COL22A1: variants seen among roughly 807,000 people sequenced by gnomAD.
COL22A1 encodes the protein collagen alpha-1(XXII) chain.
COL22A1 carries 221 observed loss-of-function variants against 248.9 expected under a neutral mutation model. The ratio of observed to expected loss-of-function variants is 0.89; its 90% CI spans 0.80 to 0.99. COL22A1 has a LOEUF of 0.99. Ranked by LOEUF, COL22A1 falls within the 50% of genes least tolerant of loss-of-function variation. The probability of loss-of-function intolerance (pLI) is 0.00; values close to 1 mark genes in which losing one functional copy is unlikely to be tolerated. For synonymous variants in COL22A1, 891 were observed against 793.4 expected (o/e 1.12, Z -2.07); for missense variants, 2,240 against 2,179.0 (o/e 1.03, Z -0.56).
intron 56 of COL22A1, among the ~76,000 whole-genome samples, chr8:138,611,737 G>A (rs901722867): frequency 6.6e-6 from 1 of 152,210 alleles, no homozygotes; most frequent in African/African-American, 2.4e-5. Flanking sequence ...GCTCATCTGA[G>A]TCATTGTGGC....
intron 3 of COL22A1, among the ~76,000 whole-genome samples, chr8:138,856,049 G>T (rs1007845305): frequency 6.6e-6 from 1 of 152,168 alleles, no homozygotes; most frequent in African/African-American, 2.4e-5. Context: ...TGGGGTGGGG[G>T]ACTTGCAGAA....
chr8:138,679,081 T>C (rs533268210), intron 40 of COL22A1, among the ~76,000 whole-genome samples: 2 of 152,092 alleles, frequency 1.3e-5, no homozygotes, highest in Non-Finnish European at 2.9e-5. Context: ...CACACCTGCC[T>C]AATTTTTGAC....
At chr8:138,771,223 C>T (rs189867041) in intron 16 of COL22A1, among the ~76,000 whole-genome samples, 290 of 152,296 alleles carry the variant, frequency 1.9e-3, no homozygotes, top group Non-Finnish European at 2.4e-3. Flanking sequence ...GGATGATCTT[C>T]GCTTCCTGAG....
chr8:138,818,605 C>T (rs1406496240), intron 7 of COL22A1, among the ~76,000 whole-genome samples: 2 of 152,082 alleles, frequency 1.3e-5, no homozygotes, highest in Non-Finnish European at 2.9e-5. Context: ...TCAGAAGAGT[C>T]CTCCAATTCT....
Position 138,737,504 on chromosome 8 carries a change from A to AG in COL22A1, c.2139+19dup. 6.4e-7 allele frequency: 1 copy of AG among 1,571,808 alleles called. No homozygotes were observed. The highest frequency in any genetic ancestry group is 8.8e-7 in the Non-Finnish European group (1 of 1,141,714). ...GAGAAAAGCAGCGTTGCTATGGAAG[A>AG]GAATGTAAAAGGTAGTTACCTGCAG... On this transcript the variant is annotated intron_variant, in intron 23 of 64. Transcript: ENST00000303045.
At chr8:138,842,851 C>A (rs1247914078) in intron 4 of COL22A1, among the ~76,000 whole-genome samples, 1 of 152,162 alleles carries the variant, frequency 6.6e-6, no homozygotes, top group African/African-American at 2.4e-5. Context: ...AGGTGCCCCA[C>A]CTCGAGAATA....
intron 4 of COL22A1, among the ~76,000 whole-genome samples, chr8:138,837,907 G>A (rs916824467): frequency 6.6e-6 from 1 of 152,144 alleles, no homozygotes; most frequent in Non-Finnish European, 1.5e-5. Flanking sequence ...GACGTGTCCT[G>A]GTGGCCTCCT....
chr8:138,790,864 C>A (rs1389372621), intron 12 of COL22A1, among the ~76,000 whole-genome samples: 1 of 141,758 alleles, frequency 7.1e-6, no homozygotes, highest in African/African-American at 2.8e-5. Flanking sequence ...TACGTCCCTA[C>A]CCTCCTATTT....
At chr8:138,600,124 C>T (rs911886052) in intron 60 of COL22A1, among the ~76,000 whole-genome samples, 1 of 152,222 alleles carries the variant, frequency 6.6e-6, no homozygotes, top group African/African-American at 2.4e-5. Context: ...AAGTGCGGGA[C>T]CAATGATTTG....
At chr8:138,769,619 C>T (rs1834199880) in intron 16 of COL22A1, among the ~76,000 whole-genome samples, 1 of 152,186 alleles carries the variant, frequency 6.6e-6, no homozygotes, top group East Asian at 1.9e-4. Context: ...CCTGGAGCTA[C>T]CCACGGACTT....
intron 40 of COL22A1, 121 bp from the exon 41 acceptor site, chr8:138,676,756 CA>C (rs1245651441): frequency 1.4e-6 from 1 of 719,368 alleles, no homozygotes; most frequent in Admixed American, 2.5e-5. Context: ...ACCTGGCCTC[CA>C]TGGGCCATGC....
intron 47 of COL22A1, among the ~76,000 whole-genome samples, chr8:138,642,438 A>G (rs192931896): frequency 2.1e-3 from 320 of 152,320 alleles, no homozygotes; most frequent in African/African-American, 7.2e-3. Context: ...GTTAGATCAC[A>G]TGCCCCAAGG....
At chr8:138,771,263 TAGAGCTATGGCGAC>T (rs1834344974) in intron 16 of COL22A1, among the ~76,000 whole-genome samples, 2 of 152,180 alleles carry the variant, frequency 1.3e-5, no homozygotes, top group African/African-American at 4.8e-5. Context: ...CCACAGCAGG[TAGAGCTATGGCGAC>T]AGTCTAGGGG....
chr8:138,862,026 T>TAAAAAAAAAAAAAAA (rs386414193), intron 3 of COL22A1, among the ~76,000 whole-genome samples: 7 of 93,270 alleles, frequency 7.5e-5, no homozygotes, highest in African/African-American at 1.3e-4. Context: ...CTGTCTCTAC[T>TAAAAAAAAAAAAAAA]AAAAAAAAAA....
chr8:138,821,220 TG>T lies in COL22A1; in HGVS notation c.1160del (p.Thr387AsnfsTer17). Reference protein sequence around the residue: ...SLHIDCALVQTLPIEERENID... With the variant: ...SLHIDCALVQXLPIEERENID... ...TGTTCTCCCGTTCCTCGATGGGTAG[TG>T]TCTGCACCAGCGCACAGTCAATGTG... On this transcript the variant is annotated frameshift_variant, in exon 7 of 65. Transcript: ENST00000303045. LOFTEE classifies it high-confidence loss of function. 6.2e-7 allele frequency: 1 copy of T among 1,614,228 alleles called. No individual in the cohort carries two copies. Among genetic ancestry groups the T allele is most frequent in the Non-Finnish European group, 8.5e-7 (1 of 1,180,030 alleles).
chr8:138,844,690 C>T (rs1173575565), intron 3 of COL22A1, among the ~76,000 whole-genome samples: 2 of 152,094 alleles, frequency 1.3e-5, no homozygotes, highest in African/African-American at 4.8e-5. Context: ...GTGGCTCACG[C>T]CTGTAATCCC....
At chr8:138,632,859 A>C (rs1445268690) in intron 49 of COL22A1, among the ~76,000 whole-genome samples, 1 of 152,178 alleles carries the variant, frequency 6.6e-6, no homozygotes, top group Non-Finnish European at 1.5e-5. Flanking sequence ...TAATATAACA[A>C]ATCTAGATTT....
chr8:138,716,576 C>T (rs1357840828), intron 28 of COL22A1, among the ~76,000 whole-genome samples: 2 of 152,134 alleles, frequency 1.3e-5, no homozygotes, highest in East Asian at 3.9e-4. Flanking sequence ...GCAACAATGT[C>T]ACCTTCTCAG....
chr8:138,857,134 C>A (rs1374780779), intron 3 of COL22A1, among the ~76,000 whole-genome samples: 2 of 152,148 alleles, frequency 1.3e-5, no homozygotes, highest in African/African-American at 4.8e-5. Flanking sequence ...CCTCTGCCCA[C>A]GCCTGCCCCT....
Sources: allele counts gnomAD v4.1 joint callset (sites outside exome capture counted in the v4.1 genomes callset), GRCh38; gene constraint gnomAD v4.1.1; transcripts MANE v1.5; gene names NCBI Gene and HGNC (gene_info 2026-07-23, HGNC 2026-07-21).